The following PCDHA11 variants were observed in gnomAD, a reference collection of about 807,000 sequenced individuals.
PCDHA11 encodes protocadherin alpha-11.
PCDHA11 carries 61 observed loss-of-function variants against 70.3 expected under a neutral mutation model. The observed-to-expected ratio is 0.87, with a 90% CI of 0.71 to 1.07. PCDHA11 has a LOEUF of 1.07. Among genes scored for constraint, PCDHA11 ranks in the 50% least tolerant of loss-of-function variants. The pLI, the probability that PCDHA11 is intolerant of heterozygous loss-of-function variation, is 0.00. For synonymous variants in PCDHA11, 633 were observed against 555.1 expected (o/e 1.14, Z -1.97); for missense variants, 1,324 against 1,237.5 (o/e 1.07, Z -1.05).
chr5:141,006,931 G>A (rs1268492539), intron 3 of PCDHA11, among the ~76,000 whole-genome samples: 1 of 152,158 alleles, frequency 6.6e-6, no homozygotes, highest in African/African-American at 2.4e-5. Flanking sequence ...ATTTCCAACT[G>A]GGGATACCAG....
chr5:140,923,110 A>G (rs2081174881), intron 1 of PCDHA11, among the ~76,000 whole-genome samples: 1 of 152,184 alleles, frequency 6.6e-6, no homozygotes, highest in South Asian at 2.1e-4. Flanking sequence ...TATGATTTTA[A>G]GTTTTTAGGG....
chr5:140,877,377 C>T (rs575601254), intron 1 of PCDHA11: 2 of 1,614,008 alleles, frequency 1.2e-6, no homozygotes, highest in Non-Finnish European at 1.7e-6. Context: ...GCACGACACG[C>T]ATCCTGGATG....
At chr5:140,891,078 T>G (rs1554184657) in intron 1 of PCDHA11, among the ~76,000 whole-genome samples, 1 of 152,198 alleles carries the variant, frequency 6.6e-6, no homozygotes, top group Admixed American at 6.6e-5. Flanking sequence ...CAGTGTCTAC[T>G]GGTTTCCATT....
chr5:140,872,595 C>T (rs1048527578), intron 1 of PCDHA11, among the ~76,000 whole-genome samples: 1 of 152,102 alleles, frequency 6.6e-6, no homozygotes, highest in African/African-American at 2.4e-5. Context: ...AGACCCCCAT[C>T]TGAAAAAATA....
chr5:140,919,357 G>C (rs1158844072), intron 1 of PCDHA11, among the ~76,000 whole-genome samples: 3 of 152,148 alleles, frequency 2.0e-5, no homozygotes, highest in Non-Finnish European at 4.4e-5. Flanking sequence ...GAATCTAAAA[G>C]TGTCTCCTGC....
chr5:140,926,806 C>T, intron 1 of PCDHA11: 1 of 1,456,722 alleles, frequency 6.9e-7, no homozygotes, highest in Non-Finnish European at 9.0e-7. Flanking sequence ...CTCTTCCCCG[C>T]GGCTCGTGCT....
At chr5:141,005,558 C>T (rs367751568) in intron 3 of PCDHA11, among the ~76,000 whole-genome samples, 1 of 151,122 alleles carries the variant, frequency 6.6e-6, no homozygotes, top group Non-Finnish European at 1.5e-5. Context: ...AAAAATTAGC[C>T]GGGCATGGTG....
chr5:140,938,237 T>A (rs1287300526), intron 1 of PCDHA11, among the ~76,000 whole-genome samples: 1 of 152,208 alleles, frequency 6.6e-6, no homozygotes, highest in African/African-American at 2.4e-5. Context: ...TAGGCCACCA[T>A]GCCTGGTCTT....
In PCDHA11 at chr5:141,011,200, A is replaced by C. The variant is rs1242625146; in HGVS notation, c.*1263A>C. 6.5e-6 allele frequency: 1 copy of C among 153,774 alleles called. No individual in the cohort carries two copies. Among genetic ancestry groups the C allele is most frequent in the Non-Finnish European group, 1.5e-5 (1 of 68,036 alleles). The allele number at this position is 153,774 out of a possible 1,614,324, so 9.5% of individuals were successfully genotyped here. ...AATTGAAGAAAAATATTGTTTTCTCATACAGTGAGCAGATTTTTCAATCTA... is the reference window on the plus strand; with the variant it reads ...AATTGAAGAAAAATATTGTTTTCTCCTACAGTGAGCAGATTTTTCAATCTA... On this transcript the variant is annotated 3_prime_UTR_variant, in exon 4 of 4. Transcript: ENST00000398640.
intron 1 of PCDHA11, among the ~76,000 whole-genome samples, chr5:140,910,377 C>T (rs1053075333): frequency 6.6e-6 from 1 of 152,244 alleles, no homozygotes; most frequent in East Asian, 1.9e-4. Flanking sequence ...GCCCACCTTG[C>T]CTTTGACAGT....
chr5:140,992,418 A>G (rs2097510878), intron 3 of PCDHA11, among the ~76,000 whole-genome samples: 1 of 152,164 alleles, frequency 6.6e-6, no homozygotes, highest in South Asian at 2.1e-4. Flanking sequence ...CCCCAGGTCT[A>G]AGAATATTGT....
chr5:140,994,786 T>C (rs1219918332), intron 3 of PCDHA11, among the ~76,000 whole-genome samples: 4 of 152,086 alleles, frequency 2.6e-5, no homozygotes, highest in Non-Finnish European at 5.9e-5. Context: ...AAGGAAACAA[T>C]GCGTGCATGC....
In PCDHA11 at chr5:140,870,909, C is replaced by T. The variant is rs2052531275; in HGVS notation, c.1806C>T (p.Tyr602=). The change falls in exon 1 of 4, where the codon TAC becomes TAT. Residue 602 remains tyrosine (Y), a synonymous_variant. Coordinates refer to ENST00000398640, the MANE Select transcript of PCDHA11 (RefSeq NM_018902.5). The part of the protein sequence containing the change: ...KVRAVDADSG[Y]NAWLSYELQP... Reference sequence around the variant, plus strand: ...GCGCAGTGGATGCGGACTCAGGCTACAACGCGTGGCTTTCATATGAATTGC... The same window carrying T: ...GCGCAGTGGATGCGGACTCAGGCTATAACGCGTGGCTTTCATATGAATTGC... 6.2e-7 allele frequency: 1 copy of T among 1,613,956 alleles called. No individual in the cohort carries two copies. Among genetic ancestry groups the T allele is most frequent in the East Asian group, 2.2e-5 (1 of 44,878 alleles).
Position 140,870,388 on chromosome 5 carries a change from G to T in PCDHA11, c.1285G>T (p.Gly429Trp). The T allele has an allele frequency of 6.2e-7, 1 of 1,614,232 alleles. No homozygotes were observed. ...AYELVVTARDGGSPSLWATAR... is the reference protein window; with the variant it reads ...AYELVVTARDWGSPSLWATAR... ...TGAACTGGTGGTGACTGCGCGGGAT[G>T]GGGGTTCGCCTTCTCTGTGGGCCAC... The change falls in exon 1 of 4, where the codon GGG becomes TGG. Residue 429 changes from glycine to tryptophan, a missense_variant. Coordinates refer to ENST00000398640, the MANE Select transcript of PCDHA11 (RefSeq NM_018902.5).
chr5:140,954,543 A>G (rs1344952646), intron 1 of PCDHA11, among the ~76,000 whole-genome samples: 1 of 151,924 alleles, frequency 6.6e-6, no homozygotes, highest in Non-Finnish European at 1.5e-5. Flanking sequence ...TTTTTTTCAT[A>G]TGTTTGTTGG....
chr5:140,933,379 G>T (rs1403607512), intron 1 of PCDHA11, among the ~76,000 whole-genome samples: 1 of 151,928 alleles, frequency 6.6e-6, no homozygotes, highest in Non-Finnish European at 1.5e-5. Flanking sequence ...TTCCTTGGCT[G>T]TTCCTAGAGC....
chr5:140,876,931 A>G lies in PCDHA11; in HGVS notation c.2391+5437A>G, dbSNP rs377563074. The stretch of plus-strand genomic sequence containing the variant: ...GGCATGGGACGCGGACGCGCAGAAG[A>G]ACGCGCTGGTGTCCTACTCGCTGGT... On this transcript the variant is annotated intron_variant, in intron 1 of 3. Coordinates refer to ENST00000398640, the MANE Select transcript of PCDHA11 (RefSeq NM_018902.5). 8 of 1,613,668 alleles carry G rather than the reference A, an allele frequency of 5.0e-6. No individual in the cohort carries two copies. In the African/African-American group the frequency reaches 1.1e-4, roughly 22 times the overall value.
At chr5:140,878,837 A>G (rs6885420) in intron 1 of PCDHA11, among the ~76,000 whole-genome samples, 4 of 152,334 alleles carry the variant, frequency 2.6e-5, no homozygotes, top group Admixed American at 2.6e-4. Context: ...AGGCTGGACT[A>G]GAACTTCTGG....
intron 1 of PCDHA11, chr5:140,883,523 T>A: frequency 6.2e-7 from 1 of 1,614,226 alleles, no homozygotes; most frequent in Non-Finnish European, 8.5e-7. Flanking sequence ...CGAGAGCGTA[T>A]CAGCCTATGA....
Sources: allele counts gnomAD v4.1 joint callset (sites outside exome capture counted in the v4.1 genomes callset), GRCh38; gene constraint gnomAD v4.1.1; transcripts MANE v1.5; gene names NCBI Gene and HGNC (gene_info 2026-07-23, HGNC 2026-07-21).